The following ATRN variants were observed in gnomAD, a reference collection of about 807,000 sequenced individuals.
ATRN encodes the protein attractin.
A neutral mutation model predicts 178.7 loss-of-function variants in ATRN; 54 were observed. The ratio of observed to expected loss-of-function variants is 0.30; its 90% CI spans 0.24 to 0.38. The LOEUF is 0.38. ATRN is among the 10% of genes least tolerant of loss of function. The probability of loss-of-function intolerance (pLI) is 1.00; values close to 1 mark genes in which losing one functional copy is unlikely to be tolerated. For missense variants in ATRN, 1,443 were observed against 1,815.1 expected, an observed-to-expected ratio of 0.79 and a Z score of 3.73; for synonymous variants, 636 against 663.0, an observed-to-expected ratio of 0.96 and a Z score of 0.63.
intron 1 of ATRN, among the ~76,000 whole-genome samples, chr20:3,487,246 A>AATTT (rs1283246980): frequency 6.6e-6 from 1 of 151,938 alleles, no homozygotes; most frequent in Non-Finnish European, 1.5e-5. Flanking sequence ...TTAATTAATT[A>AATTT]ATTTTTTGAG....
chr20:3,509,054 A>G lies in ATRN; in HGVS notation c.411-26199A>G, dbSNP rs541324600. Reference sequence around the variant, plus strand: ...ATGGAATAATAAGAATATTTAATCCAAAAAAAGGTAAAACAAGATAGGAAA... The same window carrying G: ...ATGGAATAATAAGAATATTTAATCCGAAAAAAGGTAAAACAAGATAGGAAA... On this transcript the variant is annotated intron_variant, in intron 1 of 28. Transcript: ENST00000262919. Among the ~76,000 whole-genome samples, 10 of 152,304 alleles carry G rather than the reference A, an allele frequency of 6.6e-5. No homozygotes were observed. The East Asian group carries it at 1.7e-3, about 26-fold the overall frequency.
rs75636069 is a variant in ATRN at position 3,632,346 on chromosome 20, C to T, written c.3864-1965C>T. Among the ~76,000 whole-genome samples, 1 of 152,134 alleles carries T rather than the reference C, an allele frequency of 6.6e-6. No individual in the cohort carries two copies. Among genetic ancestry groups the T allele is most frequent in the East Asian group, 1.9e-4 (1 of 5,182 alleles). ...GTTTAAAAACCTGCACTGGCTCTTTCCCAATGCCCTCATAATGCTTGCAGT... is the reference window on the plus strand; with the variant it reads ...GTTTAAAAACCTGCACTGGCTCTTTTCCAATGCCCTCATAATGCTTGCAGT... On this transcript the variant is annotated intron_variant, in intron 25 of 28. Coordinates refer to ENST00000262919, the MANE Select transcript of ATRN (RefSeq NM_139321.3). This position sits in a 1 kb window ranked among gnomAD's most constrained non-coding sequence, Gnocchi z 4.2.
chr20:3,520,716 C>T (rs377376529), intron 1 of ATRN, among the ~76,000 whole-genome samples: 2 of 152,094 alleles, frequency 1.3e-5, no homozygotes, highest in Admixed American at 6.6e-5. Flanking sequence ...AGGCTGGTCT[C>T]GAACTCCTGG....
intron 25 of ATRN, among the ~76,000 whole-genome samples, chr20:3,631,882 A>G (rs1340280580): frequency 6.6e-6 from 1 of 152,226 alleles, no homozygotes; most frequent in Non-Finnish European, 1.5e-5. Context: ...GTGGAAGCCA[A>G]GAAAGACTGA....
Position 3,638,688 on chromosome 20 carries a change from TA to T in ATRN, c.3943-138del. 1 of 666,610 alleles carries T rather than the reference TA, an allele frequency of 1.5e-6. No homozygotes were observed. Among genetic ancestry groups the T allele is most frequent in the Non-Finnish European group, 2.5e-6 (1 of 395,640 alleles). The allele number at this position is 666,610 out of a possible 1,614,324, so 41.3% of individuals were successfully genotyped here. On this transcript the variant is annotated intron_variant, in intron 26 of 28. Transcript: ENST00000262919. This position sits in a 1 kb window ranked among gnomAD's most constrained non-coding sequence, Gnocchi z 4.5. ...AAATTTAGTAATCCCTAATGTTATCTAATATCAAGTCTAAAAAGTATCATTT... is the reference window on the plus strand; with the variant it reads ...AAATTTAGTAATCCCTAATGTTATCTATATCAAGTCTAAAAAGTATCATTT...
At chr20:3,578,037 C>T (rs528291652) in intron 14 of ATRN, among the ~76,000 whole-genome samples, 1 of 152,300 alleles carries the variant, frequency 6.6e-6, no homozygotes, top group East Asian at 1.9e-4. Flanking sequence ...ACAAGCTTGT[C>T]TTGTATGCTA....
intron 20 of ATRN, 33 bp downstream of exon 20, chr20:3,594,605 G>T: frequency 6.4e-7 from 1 of 1,563,982 alleles, no homozygotes; most frequent in South Asian, 1.2e-5. Flanking sequence ...CACCAGGGAG[G>T]ACCAAGAGGC....
At chr20:3,579,408 C>T (rs1385497652) in intron 15 of ATRN, among the ~76,000 whole-genome samples, 1 of 152,174 alleles carries the variant, frequency 6.6e-6, no homozygotes, top group Admixed American at 6.5e-5. Context: ...ATTGCTTGAA[C>T]CCAGGAGGTG....
chr20:3,506,754 C>T (rs1282618398), intron 1 of ATRN, among the ~76,000 whole-genome samples: 4 of 151,732 alleles, frequency 2.6e-5, no homozygotes, highest in Admixed American at 1.3e-4. Context: ...ATCAGAAATA[C>T]ACTTTAAAAT....
chr20:3,514,292 A>T (rs568090173), intron 1 of ATRN, among the ~76,000 whole-genome samples: 1 of 152,238 alleles, frequency 6.6e-6, no homozygotes, highest in Non-Finnish European at 1.5e-5. Flanking sequence ...CTTCCCAACT[A>T]TTATAGGTAT....
Position 3,512,107 on chromosome 20 carries a change from ATT to A in ATRN, c.411-23135_411-23134del, listed in dbSNP as rs755934394. Among the ~76,000 whole-genome samples, 238 of 106,394 alleles carry A rather than the reference ATT, an allele frequency of 2.2e-3. 5 individuals are homozygous for A. Among genetic ancestry groups the A allele is most frequent in the African/African-American group, 9.0e-3 (202 of 22,524 alleles). The allele number at this position is 106,394 out of a possible 152,430, so 69.8% of individuals were successfully genotyped here. ...CTTTTATATATATATATATATATAT[ATT>A]TTTTTTTTTTATTATACTTTAAGTT... is the stretch of plus-strand genomic sequence containing the variant. On this transcript the variant is annotated intron_variant, in intron 1 of 28. Coordinates refer to ENST00000262919, the MANE Select transcript of ATRN (RefSeq NM_139321.3).
chr20:3,615,502 C>T (rs2086831443), intron 24 of ATRN, among the ~76,000 whole-genome samples: 2 of 150,684 alleles, frequency 1.3e-5, no homozygotes, highest in Admixed American at 6.6e-5. Flanking sequence ...TAGTTTGAAA[C>T]AAAGAAAGAC....
At position 3,505,193 on chromosome 20, in the gene ATRN, G is replaced by T. The variant is rs371129636; in HGVS notation, c.411-30060G>T. On this transcript the variant is annotated intron_variant, in intron 1 of 28. Transcript: ENST00000262919. ...GTGGCCACCATCCAATTGTTTGAGGGCGTAGATAGAACAAAAAGGCAAATC... is the reference window on the plus strand; with the variant it reads ...GTGGCCACCATCCAATTGTTTGAGGTCGTAGATAGAACAAAAAGGCAAATC... 2.4e-4 allele frequency among the ~76,000 whole-genome samples: 37 copies of T among 152,268 alleles called. 1 individual carries two copies. The East Asian group carries it at 4.6e-3, about 19-fold the overall frequency.
intron 1 of ATRN, among the ~76,000 whole-genome samples, chr20:3,477,225 C>T (rs929266243): frequency 1.0e-5 from 1 of 99,394 alleles, no homozygotes; most frequent in Non-Finnish European, 2.1e-5. Context: ...TTAGGCTGAT[C>T]TGTTTTCCCC....
intron 11 of ATRN, among the ~76,000 whole-genome samples, chr20:3,569,519 G>A (rs1174413997): frequency 6.6e-6 from 1 of 152,150 alleles, no homozygotes; most frequent in Non-Finnish European, 1.5e-5. Context: ...GTTCTGGGGA[G>A]GTCTGTGAGT....
At chr20:3,614,662 C>G (rs73893047) in intron 24 of ATRN, among the ~76,000 whole-genome samples, 1,543 of 152,296 alleles carry the variant, frequency 0.01, 22 homozygotes, top group African/African-American at 0.034. Context: ...ACATACCATA[C>G]AGTTCGCTCA....
rs187747381 is a variant in ATRN, at chr20:3,502,848, C to T, written c.410+31331C>T. The stretch of plus-strand genomic sequence containing the variant: ...ACATAGCCACAGCAAATGGCCTGGT[C>T]TGAGAGATCTTTGGCCATGTGGGCC... On this transcript the variant is annotated intron_variant, in intron 1 of 28. Coordinates refer to ENST00000262919, the MANE Select transcript of ATRN (RefSeq NM_139321.3). 1.8e-3 allele frequency among the ~76,000 whole-genome samples: 279 copies of T among 152,322 alleles called. 1 individual carries two copies. The highest frequency in any genetic ancestry group is 3.0e-3 in the Non-Finnish European group (203 of 68,026).
chr20:3,569,904 C>G (rs149306669), intron 11 of ATRN, among the ~76,000 whole-genome samples: 2 of 152,074 alleles, frequency 1.3e-5, no homozygotes, highest in Admixed American at 1.3e-4. Context: ...GACCTCATCT[C>G]TACTAGAAAT....
intron 23 of ATRN, among the ~76,000 whole-genome samples, chr20:3,602,283 T>C (rs2086620235): frequency 6.6e-6 from 1 of 150,954 alleles, no homozygotes; most frequent in Non-Finnish European, 1.5e-5. Context: ...TGAGCCGAGA[T>C]CACGCCACTG....
Sources: gnomAD v4.1 joint callset for allele counts (sites outside exome capture counted in the v4.1 genomes callset) on GRCh38, gnomAD v4.1.1 for gene constraint, Gnocchi (gnomAD v3.1) non-coding constraint, MANE v1.5 for transcripts, NCBI Gene and HGNC (gene_info 2026-07-23, HGNC 2026-07-21) for gene names.